The following SCARB1 variants were observed in gnomAD, a reference collection of about 807,000 sequenced individuals.
The protein encoded by SCARB1 is scavenger receptor class B member 1, also known as CD36 and LIMPII analogous 1.
SCARB1 carries 30 observed loss-of-function variants against 57.2 expected under a neutral mutation model. The ratio of observed to expected loss-of-function variants is 0.52; its 90% CI spans 0.39 to 0.71. The LOEUF is 0.71. SCARB1 is among the 30% of genes least tolerant of loss of function. SCARB1 has a pLI of 0.00. For synonymous variants in SCARB1, 249 were observed against 268.3 expected (o/e 0.93, Z 0.70); for missense variants, 543 against 671.2 (o/e 0.81, Z 2.11).
intron 1 of SCARB1, among the ~76,000 whole-genome samples, chr12:124,847,705 GCAGGTGGAGGAAGGGAC>G (rs1371940361): frequency 6.6e-6 from 1 of 152,250 alleles, no homozygotes; most frequent in Non-Finnish European, 1.5e-5. Context: ...ATTTTAGAAA[GCAGGTGGAGGAAGGGAC>G]CAGGAGGAAT....
At chr12:124,816,874 G>T (rs1594284304) in intron 2 of SCARB1, among the ~76,000 whole-genome samples, 1 of 152,080 alleles carries the variant, frequency 6.6e-6, no homozygotes, top group East Asian at 1.9e-4. Context: ...CCACAGCCAG[G>T]TACAGGACAA....
At chr12:124,790,534 CTTG>C (rs1377375312) in intron 9 of SCARB1, among the ~76,000 whole-genome samples, 4 of 152,160 alleles carry the variant, frequency 2.6e-5, no homozygotes, top group East Asian at 1.9e-4. Context: ...TGATCTTAGC[CTTG>C]TTGTGTTCCT....
intron 1 of SCARB1, among the ~76,000 whole-genome samples, chr12:124,854,584 T>G (rs1030929198): frequency 6.6e-6 from 1 of 152,116 alleles, no homozygotes; most frequent in African/African-American, 2.4e-5. Flanking sequence ...GATGGTGCCT[T>G]GGACCAGAGG....
intron 9 of SCARB1, among the ~76,000 whole-genome samples, chr12:124,790,484 C>G (rs763982694): frequency 2.0e-5 from 3 of 152,162 alleles, no homozygotes; most frequent in Non-Finnish European, 4.4e-5. Context: ...CACAGGTTCT[C>G]CCCTGGAGCC....
At chr12:124,845,735 C>CG (rs1408644027) in intron 1 of SCARB1, among the ~76,000 whole-genome samples, 9 of 147,382 alleles carry the variant, frequency 6.1e-5, no homozygotes, top group Middle Eastern at 3.6e-3. Context: ...GGGCCGGGCA[C>CG]GGTGGCTCAG....
chr12:124,817,772 G>T lies in SCARB1; in HGVS notation c.127-65C>A, dbSNP rs1218300806. The T allele has an allele frequency of 1.9e-6, 3 of 1,577,732 alleles. No individual in the cohort carries two copies. Among genetic ancestry groups the T allele is most frequent in the African/African-American group, 2.7e-5 (2 of 74,166 alleles). On this transcript the variant is annotated intron_variant, in intron 1 of 12. Coordinates refer to ENST00000261693, the MANE Select transcript of SCARB1 (RefSeq NM_005505.5). The surrounding 1 kb of genome is among the most constrained non-coding windows in gnomAD (Gnocchi z 4.8). ...TGAGGGCCCCACGCCCCACCACAAG[G>T]CTCCGGAACAGCTGCCCGAGCCCGG...
chr12:124,818,706 C>A (rs1347841684), intron 1 of SCARB1, among the ~76,000 whole-genome samples: 1 of 111,874 alleles, frequency 8.9e-6, no homozygotes, highest in Non-Finnish European at 2.2e-5. Context: ...ACTGCAGTGG[C>A]GCGATCTCGG....
At chr12:124,845,632 G>A (rs1203220294) in intron 1 of SCARB1, among the ~76,000 whole-genome samples, 1 of 150,620 alleles carries the variant, frequency 6.6e-6, no homozygotes, top group Non-Finnish European at 1.5e-5. Flanking sequence ...TTGAACCCAG[G>A]AGGCGGAGGT....
intron 1 of SCARB1, among the ~76,000 whole-genome samples, chr12:124,848,965 A>G (rs1045232369): frequency 2.0e-5 from 3 of 152,164 alleles, no homozygotes; most frequent in African/African-American, 4.8e-5. Context: ...CTTACTTGAC[A>G]CTTGCCGAGC....
chr12:124,841,063 G>A (rs1951887019), intron 1 of SCARB1, among the ~76,000 whole-genome samples: 1 of 152,146 alleles, frequency 6.6e-6, no homozygotes, highest in Admixed American at 6.6e-5. Flanking sequence ...CAGCTACTCA[G>A]AAGGCTGAGG....
chr12:124,778,255 G>T lies in SCARB1; in HGVS notation c.*332C>A. ...AACGGGACAGGCCAGGCTCACCCGA[G>T]GAAGGGGACGCAGGACCCACAGCCC... On this transcript the variant is annotated 3_prime_UTR_variant, in exon 13 of 13. Transcript: ENST00000261693. 2.4e-6 allele frequency: 1 copy of T among 417,202 alleles called. No homozygotes were observed. Among genetic ancestry groups the T allele is most frequent in the Non-Finnish European group, 4.1e-6 (1 of 245,114 alleles). The allele number at this position is 417,202 out of a possible 1,614,324, so 25.8% of individuals were successfully genotyped here. A position where few individuals can be genotyped will look rare whatever the true frequency, so the allele number is the denominator to read the frequency against.
chr12:124,847,329 G>A (rs998889590), intron 1 of SCARB1, among the ~76,000 whole-genome samples: 6 of 152,194 alleles, frequency 3.9e-5, no homozygotes, highest in African/African-American at 9.7e-5. Context: ...ATGGGCTCTC[G>A]GCCAAGTAAG....
intron 4 of SCARB1, among the ~76,000 whole-genome samples, chr12:124,813,613 A>G (rs1950595538): frequency 6.6e-6 from 1 of 152,110 alleles, no homozygotes; most frequent in Admixed American, 6.5e-5. Context: ...CTTAGCCCAA[A>G]CTTGCTCATT....
intron 5 of SCARB1, 124 bp downstream of exon 5, chr12:124,811,746 C>A: frequency 1.4e-6 from 1 of 720,526 alleles, no homozygotes; most frequent in Non-Finnish European, 2.5e-6. Context: ...TGTTCATCCT[C>A]CCAGCACCCT....
chr12:124,783,666 CT>C (rs1949401256), intron 11 of SCARB1: 1 of 142,264 alleles, frequency 7.0e-6, no homozygotes, highest in African/African-American at 3.0e-5. Context: ...GCTCGGGAGG[CT>C]GAGGCTGAGG....
Position 124,810,078 on chromosome 12 carries a change from A to G in SCARB1, c.842+96T>C, listed in dbSNP as rs1950466863. On this transcript the variant is annotated intron_variant, in intron 6 of 12. Coordinates refer to ENST00000261693, the MANE Select transcript of SCARB1 (RefSeq NM_005505.5). This position sits in a 1 kb window ranked among gnomAD's most constrained non-coding sequence, Gnocchi z 4.0. ...CAAGGGCTACTGAGTCAAATCCACG[A>G]TGAGTCAAAATGCTTTCCAAGTGCA... The G allele has an allele frequency of 2.5e-6, 2 of 786,680 alleles. No individual in the cohort carries two copies. Among genetic ancestry groups the G allele is most frequent in the African/African-American group, 3.4e-5 (2 of 58,974 alleles). 48.7% of individuals were successfully genotyped at this position (786,680 alleles called of 1,614,324 possible).
At chr12:124,797,322 C>T (rs942919875) in intron 8 of SCARB1, among the ~76,000 whole-genome samples, 2 of 152,012 alleles carry the variant, frequency 1.3e-5, no homozygotes, top group Admixed American at 1.3e-4. Flanking sequence ...CTGTTGAGTC[C>T]CCCGTCCCCA....
chr12:124,824,693 G>A (rs1951070188), intron 1 of SCARB1, among the ~76,000 whole-genome samples: 1 of 152,218 alleles, frequency 6.6e-6, no homozygotes, highest in Non-Finnish European at 1.5e-5. Context: ...GGCCACTGGG[G>A]AGTCGGGACA....
At chr12:124,798,449 T>C (rs1950022171) in intron 8 of SCARB1, among the ~76,000 whole-genome samples, 6 of 151,830 alleles carry the variant, frequency 4.0e-5, no homozygotes. Context: ...TCCTGTTATT[T>C]GTGACAACAT....
Sources: gnomAD v4.1 joint callset for allele counts (sites outside exome capture counted in the v4.1 genomes callset) on GRCh38, gnomAD v4.1.1 for gene constraint, Gnocchi (gnomAD v3.1) non-coding constraint, MANE v1.5 for transcripts, NCBI Gene and HGNC (gene_info 2026-07-23, HGNC 2026-07-21) for gene names.